PLEKHM3: variants seen among roughly 807,000 people sequenced by gnomAD.
PLEKHM3 encodes pleckstrin homology domain-containing family M member 3.
PLEKHM3 carries 45 observed loss-of-function variants against 81.8 expected under a neutral mutation model. That is an observed-to-expected ratio of 0.55 (90% CI 0.43 to 0.71). PLEKHM3 has a LOEUF of 0.71. Among genes scored for constraint, PLEKHM3 ranks in the 30% least tolerant of loss-of-function variants. PLEKHM3 has a pLI of 0.00. For synonymous variants in PLEKHM3, 352 were observed against 356.4 expected (o/e 0.99, Z 0.14); for missense variants, 788 against 924.3 (o/e 0.85, Z 1.91).
intron 5 of PLEKHM3, among the ~76,000 whole-genome samples, chr2:207,911,927 C>A (rs563622517): frequency 6.6e-6 from 1 of 152,246 alleles, no homozygotes; most frequent in Admixed American, 6.5e-5. Flanking sequence ...CTTTAAAATT[C>A]TAAAACTTTT....
chr2:207,901,493 TG>T (rs1050595004), intron 6 of PLEKHM3, among the ~76,000 whole-genome samples: 3 of 152,234 alleles, frequency 2.0e-5, no homozygotes, highest in Admixed American at 2.0e-4. Context: ...GCTCCAGTCC[TG>T]GCACCTAGCA....
intron 2 of PLEKHM3, among the ~76,000 whole-genome samples, chr2:207,991,220 A>G (rs962623604): frequency 1.3e-5 from 2 of 152,196 alleles, no homozygotes; most frequent in Non-Finnish European, 2.9e-5. Flanking sequence ...GGCTCTATAT[A>G]TCTAATCTAT....
At position 207,843,016 on chromosome 2, in the gene PLEKHM3, G is replaced by A. The variant is rs549262546; in HGVS notation, c.2109-14520C>T. On this transcript the variant is annotated intron_variant, in intron 7 of 7. Coordinates refer to ENST00000427836, the MANE Select transcript of PLEKHM3 (RefSeq NM_001080475.3). This position sits in a 1 kb window ranked among gnomAD's most constrained non-coding sequence, Gnocchi z 4.4. The stretch of plus-strand genomic sequence containing the variant: ...GGCTGGAGTGCAGTGGTGTGATCAC[G>A]GCTCACTGCAACCTCCGCCTCCTAG... Among the ~76,000 whole-genome samples the A allele has an allele frequency of 3.3e-5, 5 of 152,084 alleles. No homozygotes were observed. The highest frequency in any genetic ancestry group is 6.5e-5 in the Admixed American group (1 of 15,272).
chr2:208,014,516 C>A (rs1284540750), intron 1 of PLEKHM3, among the ~76,000 whole-genome samples: 1 of 152,122 alleles, frequency 6.6e-6, no homozygotes, highest in African/African-American at 2.4e-5. Flanking sequence ...TGGTGGCAGG[C>A]GCCTGTAATC....
intron 7 of PLEKHM3, among the ~76,000 whole-genome samples, chr2:207,848,885 T>C (rs1389533662): frequency 6.6e-6 from 1 of 152,186 alleles, no homozygotes; most frequent in Non-Finnish European, 1.5e-5. Flanking sequence ...TTGGACTAAG[T>C]TTCATGGGAG....
chr2:208,008,760 T>C (rs1466090090), intron 1 of PLEKHM3, among the ~76,000 whole-genome samples: 1 of 152,248 alleles, frequency 6.6e-6, no homozygotes, highest in Non-Finnish European at 1.5e-5. Flanking sequence ...TTCTCATTTC[T>C]ACCCACTTAG....
intron 4 of PLEKHM3, among the ~76,000 whole-genome samples, chr2:207,941,409 A>G (rs577028310): frequency 1.3e-5 from 2 of 152,348 alleles, no homozygotes; most frequent in South Asian, 4.1e-4. Context: ...GGTGCTGGGA[A>G]AACTGGATAT....
intron 4 of PLEKHM3, among the ~76,000 whole-genome samples, chr2:207,934,779 A>T (rs1244573912): frequency 6.6e-6 from 1 of 152,234 alleles, no homozygotes; most frequent in African/African-American, 2.4e-5. Flanking sequence ...ATGTCACTTG[A>T]TTTGAACATT....
rs77133412 is a variant in PLEKHM3 at position 207,895,071 on chromosome 2, T to C, written c.1950+13443A>G. 9.2e-5 allele frequency among the ~76,000 whole-genome samples: 14 copies of C among 152,348 alleles called. No individual in the cohort carries two copies. In the East Asian group the frequency reaches 2.7e-3, roughly 29 times the overall value. On this transcript the variant is annotated intron_variant, in intron 6 of 7. Transcript: ENST00000427836. ...TACTAAAAGGGAGCTATTATTAATC[T>C]AATTATTTAGTACAACCTTCTCATT...
chr2:207,880,337 G>A (rs1559218801), intron 6 of PLEKHM3, among the ~76,000 whole-genome samples: 1 of 151,916 alleles, frequency 6.6e-6, no homozygotes, highest in Non-Finnish European at 1.5e-5. Flanking sequence ...AACCCAGGGG[G>A]CGAAGGTTGC....
rs1454283475 is a variant in PLEKHM3 at position 207,827,632 on chromosome 2, A to G, written c.*687T>C. 6.6e-6 allele frequency: 1 copy of G among 152,188 alleles called. No homozygotes were observed. Among genetic ancestry groups the G allele is most frequent in the African/African-American group, 2.4e-5 (1 of 41,436 alleles). 9.4% of individuals were successfully genotyped at this position (152,188 alleles called of 1,614,324 possible). A position where few individuals can be genotyped will look rare whatever the true frequency, so the allele number is the denominator to read the frequency against. On this transcript the variant is annotated 3_prime_UTR_variant, in exon 8 of 8. Coordinates refer to ENST00000427836, the MANE Select transcript of PLEKHM3 (RefSeq NM_001080475.3). ...AGGTTTCTTCTCTTCTCAGGAAAAAAACTTCTGAGATTAACTTCAAAACCA... is the reference window on the plus strand; with the variant it reads ...AGGTTTCTTCTCTTCTCAGGAAAAAGACTTCTGAGATTAACTTCAAAACCA...
intron 3 of PLEKHM3, among the ~76,000 whole-genome samples, chr2:207,971,235 C>G (rs1691109757): frequency 6.6e-6 from 1 of 152,198 alleles, no homozygotes; most frequent in Non-Finnish European, 1.5e-5. Context: ...GGAAAAATAT[C>G]TGTGTGTGCT....
Position 207,969,524 on chromosome 2 carries a change from G to A in PLEKHM3, c.1546+7127C>T, listed in dbSNP as rs569289967. The stretch of plus-strand genomic sequence containing the variant: ...TACGTCCTCATTTATCATATGAAAT[G>A]CCATGTGGTATTAGCAAGGTCAATA... On this transcript the variant is annotated intron_variant, in intron 3 of 7. Transcript: ENST00000427836. Among the ~76,000 whole-genome samples, 7 of 152,324 alleles carry A rather than the reference G, an allele frequency of 4.6e-5. No individual in the cohort carries two copies. The South Asian group carries it at 1.4e-3, about 32-fold the overall frequency.
At chr2:207,970,416 T>C (rs1403047478) in intron 3 of PLEKHM3, among the ~76,000 whole-genome samples, 1 of 151,374 alleles carries the variant, frequency 6.6e-6, no homozygotes, top group East Asian at 2.0e-4. Flanking sequence ...TCTGTGATGG[T>C]GGGGGGCACC....
At chr2:208,007,985 G>A (rs543220007) in intron 1 of PLEKHM3, among the ~76,000 whole-genome samples, 6 of 152,180 alleles carry the variant, frequency 3.9e-5, no homozygotes, top group African/African-American at 7.2e-5. Flanking sequence ...CCCGGGAGGC[G>A]GAGCTTGCAG....
chr2:207,854,279 G>C (rs1220807998), intron 7 of PLEKHM3, among the ~76,000 whole-genome samples: 2 of 152,082 alleles, frequency 1.3e-5, no homozygotes, highest in Non-Finnish European at 2.9e-5. Flanking sequence ...AAAGTAGAGA[G>C]AATATATAAC....
intron 7 of PLEKHM3, among the ~76,000 whole-genome samples, chr2:207,845,062 A>T (rs776954419): frequency 2.6e-5 from 4 of 152,224 alleles, no homozygotes; most frequent in Non-Finnish European, 5.9e-5. Context: ...AATGATAATT[A>T]TTAATGGTAG....
At chr2:208,022,907 G>A (rs1332970039) in intron 1 of PLEKHM3, among the ~76,000 whole-genome samples, 5 of 152,146 alleles carry the variant, frequency 3.3e-5, no homozygotes, top group African/African-American at 1.2e-4. Flanking sequence ...ACAGTCTTAG[G>A]TGTTGTTTCT....
At position 207,976,654 on chromosome 2, in the gene PLEKHM3, C is replaced by T; in HGVS notation, c.1543G>A (p.Ala515Thr). The change falls in exon 3 of 8, where the codon GCA becomes ACA. Residue 515 changes from alanine (A) to threonine (T), a missense_variant. Transcript: ENST00000427836. The surrounding 1 kb of genome is among the most constrained non-coding windows in gnomAD (Gnocchi z 4.1). ...RGLTAQSFKC[A>T]GCQRSIGLSN... Reference sequence around the variant, plus strand: ...AGGCTGAAAATCTGCTTCATACCTGCACATTTGAAACTCTGAGCAGTGAGT... The same window carrying T: ...AGGCTGAAAATCTGCTTCATACCTGTACATTTGAAACTCTGAGCAGTGAGT... 6.2e-7 allele frequency: 1 copy of T among 1,612,108 alleles called. No individual in the cohort carries two copies. Among genetic ancestry groups the T allele is most frequent in the Non-Finnish European group, 8.5e-7 (1 of 1,178,868 alleles).
Sources: allele counts gnomAD v4.1 joint callset (sites outside exome capture counted in the v4.1 genomes callset), GRCh38; gene constraint gnomAD v4.1.1; non-coding constraint Gnocchi (gnomAD v3.1); transcripts MANE v1.5; gene names NCBI Gene and HGNC (gene_info 2026-07-23, HGNC 2026-07-21).